ERI1: variants seen among roughly 807,000 people sequenced by gnomAD.
ERI1 encodes the protein exoribonuclease 1, also known as 3'-5' exoribonuclease 1.
In ERI1, 39 loss-of-function variants were observed where a neutral mutation model predicts 39.7. The observed-to-expected ratio is 0.98, with a 90% CI of 0.76 to 1.28. The LOEUF (loss-of-function observed/expected upper bound fraction) is 1.28, where lower values mean the gene tolerates loss of function less well. Among genes scored for constraint, ERI1 ranks in the 50% most tolerant of loss-of-function variants. The pLI, the probability that ERI1 is intolerant of heterozygous loss-of-function variation, is 0.00. For synonymous variants in ERI1, 204 were observed against 149.6 expected (o/e 1.36, Z -2.65); for missense variants, 581 against 416.9 (o/e 1.39, Z -3.43).
chr8:9,021,877 C>T (rs190324047), intron 6 of ERI1, among the ~76,000 whole-genome samples: 1 of 149,370 alleles, frequency 6.7e-6, no homozygotes, highest in Non-Finnish European at 1.5e-5. Context: ...GTGACTATAC[C>T]AGATTTGTTT....
At chr8:9,094,508 G>T (rs748093231) in intron 3 of ERI1, among the ~76,000 whole-genome samples, 2 of 152,152 alleles carry the variant, frequency 1.3e-5, no homozygotes, top group Admixed American at 1.3e-4. Context: ...TGCGCACAGG[G>T]TAGAGAGATT....
intron 2 of ERI1, 65 bp from the exon 3 acceptor site, chr8:9,011,477 G>T (rs999576467): frequency 3.7e-6 from 4 of 1,095,360 alleles, no homozygotes; most frequent in Non-Finnish European, 5.2e-6. Flanking sequence ...GTGCCAGCAG[G>T]TGAGAGTTTT....
intron 3 of ERI1, among the ~76,000 whole-genome samples, chr8:9,098,587 G>T (rs976427845): frequency 6.6e-6 from 1 of 152,072 alleles, no homozygotes; most frequent in Non-Finnish European, 1.5e-5. Flanking sequence ...TGGGAGGGAG[G>T]TGAGGGATAA....
At chr8:9,009,180 A>T (rs1057355556) in intron 2 of ERI1, 1 of 435,088 alleles carries the variant, frequency 2.3e-6, no homozygotes, top group African/African-American at 2.0e-5. Flanking sequence ...ATTGAATTCT[A>T]AGTACTGCAC....
In ERI1 at chr8:9,033,038, A is replaced by T. The variant is rs1422749276; in HGVS notation, c.*3004A>T. On this transcript the variant is annotated 3_prime_UTR_variant, in exon 7 of 7. Coordinates refer to ENST00000250263, the MANE Select transcript of ERI1 (RefSeq NM_153332.4). ...GCACATAGTTGAATCCAGCGTTGAT[A>T]CATGAAGGACAGCATTACATCTTTT... 6.6e-6 allele frequency: 1 copy of T among 152,224 alleles called. No homozygotes were observed. Among genetic ancestry groups the T allele is most frequent in the Non-Finnish European group, 1.5e-5 (1 of 68,044 alleles). 9.4% of individuals were successfully genotyped at this position (152,224 alleles called of 1,614,324 possible). A position where few individuals can be genotyped will look rare whatever the true frequency, so the allele number is the denominator to read the frequency against.
intron 2 of ERI1, among the ~76,000 whole-genome samples, chr8:9,009,799 T>C (rs1484026954): frequency 6.6e-6 from 1 of 152,180 alleles, no homozygotes; most frequent in Non-Finnish European, 1.5e-5. Context: ...CCCAAAGTGC[T>C]GAGATTATAG....
At chr8:9,041,144 G>C (rs1412372138) in intron 3 of ERI1, among the ~76,000 whole-genome samples, 1 of 152,186 alleles carries the variant, frequency 6.6e-6, no homozygotes, top group Non-Finnish European at 1.5e-5. Flanking sequence ...CATGACTTTT[G>C]TTCATTCTGT....
chr8:9,015,739 A>AAAAAAAAAAAAAG (rs10704637), intron 3 of ERI1, among the ~76,000 whole-genome samples: 2 of 150,264 alleles, frequency 1.3e-5, no homozygotes, highest in African/African-American at 5.0e-5. Context: ...AAAAAAAAAA[A>AAAAAAAAAAAAAG]AAGAGACCAT....
chr8:9,045,532 C>T (rs1023545834), intron 3 of ERI1, among the ~76,000 whole-genome samples: 6 of 152,022 alleles, frequency 3.9e-5, no homozygotes, highest in African/African-American at 7.2e-5. Context: ...CATGGTGGCT[C>T]ATGCCTGTAA....
At chr8:9,039,418 C>A (rs1020310197) in intron 3 of ERI1, among the ~76,000 whole-genome samples, 1 of 152,100 alleles carries the variant, frequency 6.6e-6, no homozygotes, top group Non-Finnish European at 1.5e-5. Context: ...AAAGGTCTGG[C>A]TTGAAAATTC....
At chr8:9,009,555 T>C (rs2117192010) in intron 2 of ERI1, among the ~76,000 whole-genome samples, 1 of 152,330 alleles carries the variant, frequency 6.6e-6, no homozygotes, top group East Asian at 1.9e-4. Context: ...TTTTTTATTT[T>C]TTTGAGACAG....
intron 3 of ERI1, among the ~76,000 whole-genome samples, chr8:9,093,002 C>T (rs558368617): frequency 3.9e-5 from 6 of 152,230 alleles, no homozygotes; most frequent in Non-Finnish European, 7.3e-5. Context: ...GTTGCCTTCA[C>T]GTTCACGTGC....
intron 3 of ERI1, among the ~76,000 whole-genome samples, chr8:9,080,629 C>G (rs1028441532): frequency 6.6e-6 from 1 of 152,202 alleles, no homozygotes; most frequent in African/African-American, 2.4e-5. Context: ...CTTGCTATTG[C>G]CTTATTCCCC....
chr8:9,029,446 A>G (rs566715750), intron 6 of ERI1, among the ~76,000 whole-genome samples: 33 of 152,224 alleles, frequency 2.2e-4, no homozygotes, highest in African/African-American at 7.9e-4. Flanking sequence ...CTCCTGCCTC[A>G]GCCTCCCAGG....
At chr8:9,047,438 A>T (rs1156978196) in intron 3 of ERI1, among the ~76,000 whole-genome samples, 1 of 152,166 alleles carries the variant, frequency 6.6e-6, no homozygotes, top group African/African-American at 2.4e-5. Context: ...GAGATGGGAA[A>T]TGGGCTGCAG....
chr8:9,007,891 G>A, intron 1 of ERI1, 79 bp from the exon 2 acceptor site: 2 of 1,489,908 alleles, frequency 1.3e-6, no homozygotes, highest in East Asian at 2.5e-5. Flanking sequence ...TTGAAAGTTT[G>A]AATCTTTAAA....
chr8:9,083,518 T>C (rs963915914), intron 3 of ERI1, among the ~76,000 whole-genome samples: 1 of 152,156 alleles, frequency 6.6e-6, no homozygotes, highest in Non-Finnish European at 1.5e-5. Flanking sequence ...TGAACCACCT[T>C]GTACTCAGTA....
chr8:9,013,845 C>T (rs986335037), intron 3 of ERI1, among the ~76,000 whole-genome samples: 1 of 152,108 alleles, frequency 6.6e-6, no homozygotes. Flanking sequence ...ATCAATGATT[C>T]CTGTTTGGCT....
At chr8:9,044,366 G>T (rs1263572873) in intron 3 of ERI1, among the ~76,000 whole-genome samples, 1 of 152,120 alleles carries the variant, frequency 6.6e-6, no homozygotes, top group Non-Finnish European at 1.5e-5. Flanking sequence ...AGGTGACTTT[G>T]GTGTGGGAAT....
Sources: allele counts gnomAD v4.1 joint callset (sites outside exome capture counted in the v4.1 genomes callset), GRCh38; gene constraint gnomAD v4.1.1; transcripts MANE v1.5; gene names NCBI Gene and HGNC (gene_info 2026-07-23, HGNC 2026-07-21).